Variants in TRPM4 observed in about 807,000 individuals in gnomAD.
The protein encoded by TRPM4 is calcium-activated non-selective cation channel 1.
TRPM4 carries 124 observed loss-of-function variants against 135.6 expected under a neutral mutation model. The observed-to-expected ratio is 0.91, with a 90% CI of 0.79 to 1.06. The LOEUF is 1.06. Ranked by LOEUF, TRPM4 falls within the 50% of genes least tolerant of loss-of-function variation. The probability of loss-of-function intolerance (pLI) is 0.00; values close to 1 mark genes in which losing one functional copy is unlikely to be tolerated. For synonymous variants in TRPM4, 745 were observed against 705.6 expected (o/e 1.06, Z -0.88); for missense variants, 1,658 against 1,671.4 (o/e 0.99, Z 0.14).
At position 49,196,683 on chromosome 19, in the gene TRPM4, T is replaced by A; in HGVS notation, c.2454T>A (p.Tyr818Ter). 1 of 1,550,560 alleles carries A rather than the reference T, an allele frequency of 6.4e-7. No individual in the cohort carries two copies. Among genetic ancestry groups the A allele is most frequent in the Middle Eastern group, 1.7e-4 (1 of 6,000 alleles). Reference protein sequence around the residue: ...APPGSLELLLYFWAFTLLCEE... With the variant: ...APPGSLELLL ...CCGGCTCCCTGGAGCTGCTGCTCTA[T>A]TTCTGGGCTTTCACGCTGCTGTGCG... is the stretch of plus-strand genomic sequence containing the variant. The change falls in exon 17 of 25, where the codon TAT becomes TAA. Residue 818 changes from tyrosine to a stop codon, truncating the protein, a stop_gained. Coordinates refer to ENST00000252826, the MANE Select transcript of TRPM4 (RefSeq NM_017636.4). LOFTEE classifies it high-confidence loss of function.
rs371581808 is a variant in TRPM4 at position 49,167,010 on chromosome 19, G to T, written c.267+795G>T. Among the ~76,000 whole-genome samples, 54 of 150,280 alleles carry T rather than the reference G, an allele frequency of 3.6e-4. No individual in the cohort carries two copies. The South Asian group carries it at 0.011, about 30-fold the overall frequency. ...TCTGGGTCTCTGTCCCTGTTTCTCC[G>T]GGTCTCTGTCCCCGTCTCTCCGGGT... On this transcript the variant is annotated intron_variant, in intron 3 of 24. Coordinates refer to ENST00000252826, the MANE Select transcript of TRPM4 (RefSeq NM_017636.4).
chr19:49,171,912 T>C lies in TRPM4; in HGVS notation c.1051-97T>C, dbSNP rs1967476181. 2 of 1,369,716 alleles carry C rather than the reference T, an allele frequency of 1.5e-6. No individual in the cohort carries two copies. Among genetic ancestry groups the C allele is most frequent in the African/African-American group, 1.4e-5 (1 of 69,832 alleles). The allele number at this position is 1,369,716 out of a possible 1,614,324, so 84.8% of individuals were successfully genotyped here. On this transcript the variant is annotated intron_variant, in intron 8 of 24. Coordinates refer to ENST00000252826, the MANE Select transcript of TRPM4 (RefSeq NM_017636.4). This position sits in a 1 kb window ranked among gnomAD's most constrained non-coding sequence, Gnocchi z 4.7. ...GGTGCTGGGCATATAGACTATTAGG[T>C]CCTGGAGGGGAATGGCCTCCTCCAT...
intron 20 of TRPM4, among the ~76,000 whole-genome samples, chr19:49,205,308 C>T (rs139515343): frequency 1.2e-4 from 18 of 152,146 alleles, no homozygotes; most frequent in Non-Finnish European, 2.4e-4. Flanking sequence ...CTTTGCTGGC[C>T]ATCTTTGGCT....
chr19:49,161,938 T>G (rs982487188), intron 2 of TRPM4, among the ~76,000 whole-genome samples: 2 of 152,160 alleles, frequency 1.3e-5, no homozygotes, highest in African/African-American at 4.8e-5. Context: ...CCCTGGCTAC[T>G]TCTTTCTGTT....
At chr19:49,179,495 G>A (rs1331798718) in intron 9 of TRPM4, among the ~76,000 whole-genome samples, 2 of 151,778 alleles carry the variant, frequency 1.3e-5, no homozygotes, top group Non-Finnish European at 2.9e-5. Flanking sequence ...GACTACAGAC[G>A]CATGCCACCA....
chr19:49,204,270 A>G (rs868668969), intron 20 of TRPM4, among the ~76,000 whole-genome samples: 108 of 152,258 alleles, frequency 7.1e-4, no homozygotes, highest in African/African-American at 2.4e-3. Context: ...TTGGGTGTGT[A>G]TCTCAAAGTG....
At chr19:49,185,411 T>TC (rs1473701654) in intron 12 of TRPM4, among the ~76,000 whole-genome samples, 1 of 152,110 alleles carries the variant, frequency 6.6e-6, no homozygotes, top group Non-Finnish European at 1.5e-5. Context: ...CAAGCTAATT[T>TC]TAAAAAATTT....
Position 49,168,668 on chromosome 19 carries a change from TG to T in TRPM4, c.734del (p.Gly245AlafsTer33). ...FLVDDGTHGCLGGENRFRLRL... is the reference protein window; with the variant it reads ...FLVDDGTHGCXGGENRFRLRL... ...GTGGACGACGGCACACACGGCTGCC[TG>T]GGGGGCGAGAACCGCTTCCGCTTGC... is the stretch of plus-strand genomic sequence containing the variant. On this transcript the variant is annotated frameshift_variant, in exon 6 of 25. Coordinates refer to ENST00000252826, the MANE Select transcript of TRPM4 (RefSeq NM_017636.4). LOFTEE classifies it high-confidence loss of function. The T allele has an allele frequency of 6.2e-7, 1 of 1,612,762 alleles. No homozygotes were observed. The highest frequency in any genetic ancestry group is 8.5e-7 in the Non-Finnish European group (1 of 1,179,792).
intron 3 of TRPM4, among the ~76,000 whole-genome samples, chr19:49,166,643 C>T (rs982558438): frequency 1.9e-4 from 28 of 144,070 alleles, no homozygotes; most frequent in African/African-American, 6.7e-4. Context: ...TCTCTGTCCC[C>T]GTCTCTCCGG....
chr19:49,197,346 T>C (rs1365785201), intron 17 of TRPM4, among the ~76,000 whole-genome samples: 1,517 of 125,808 alleles, frequency 0.012, 32 homozygotes, highest in African/African-American at 0.042. Flanking sequence ...CTTTCTTTCT[T>C]TCTTTCTTTC....
At chr19:49,158,298 CG>C (rs2041557199) in intron 2 of TRPM4, 39 bp downstream of exon 2, 1 of 1,595,902 alleles carries the variant, frequency 6.3e-7, no homozygotes. Context: ...AGAGGGTCCG[CG>C]GCCCGCTGAC....
chr19:49,158,185 T>A lies in TRPM4; in HGVS notation c.25-7T>A, dbSNP rs1418780795. ...ACTTCCACCCCTACATTTGTTCCTG[T>A]CCCCAGAGCTGGATCCCCAAGATCT... On this transcript the variant is annotated splice_region_variant and splice_polypyrimidine_tract_variant and intron_variant, in intron 1 of 24. Transcript: ENST00000252826. 6.2e-7 allele frequency: 1 copy of A among 1,613,524 alleles called. No individual in the cohort carries two copies. Among genetic ancestry groups the A allele is most frequent in the African/African-American group, 1.3e-5 (1 of 74,806 alleles).
rs1041148511 is a variant in TRPM4, at chr19:49,191,214, C to CT, written c.2210+450dup. Among the ~76,000 whole-genome samples the CT allele has an allele frequency of 3.0e-3, 450 of 151,406 alleles. 1 individual carries two copies. The highest frequency in any genetic ancestry group is 0.01 in the African/African-American group (419 of 41,304). On this transcript the variant is annotated intron_variant, in intron 16 of 24. Transcript: ENST00000252826. ...GATTACATTTCTTTGTTCTTTTTTT[C>CT]TTTTTTTTTGATACGGAGTCTCCCT... is the stretch of plus-strand genomic sequence containing the variant.
intron 20 of TRPM4, among the ~76,000 whole-genome samples, chr19:49,204,811 G>A (rs1369669479): frequency 6.7e-6 from 1 of 149,902 alleles, no homozygotes; most frequent in East Asian, 2.0e-4. Context: ...CACCCATCTC[G>A]GCTGGATCCC....
chr19:49,168,232 C>T (rs1003958412), intron 4 of TRPM4, 28 bp from the exon 5 acceptor site: 8 of 1,613,872 alleles, frequency 5.0e-6, no homozygotes, highest in Non-Finnish European at 6.8e-6. Flanking sequence ...CTCCCCCTGC[C>T]TCTGCATGTT....
At chr19:49,175,828 C>T (rs537220676) in intron 9 of TRPM4, among the ~76,000 whole-genome samples, 2 of 149,886 alleles carry the variant, frequency 1.3e-5, no homozygotes, top group Non-Finnish European at 3.0e-5. Context: ...GGAGTTTCAC[C>T]GTGTTAGCCA....
chr19:49,192,692 G>A (rs1385672635), intron 16 of TRPM4, among the ~76,000 whole-genome samples: 2 of 152,066 alleles, frequency 1.3e-5, no homozygotes, highest in Non-Finnish European at 2.9e-5. Flanking sequence ...AGAGGGTAGG[G>A]CGAGGGAGAG....
intron 19 of TRPM4, among the ~76,000 whole-genome samples, chr19:49,201,751 C>G (rs2145972236): frequency 6.6e-6 from 1 of 152,312 alleles, no homozygotes; most frequent in South Asian, 2.1e-4. Context: ...GCGCGTGCCA[C>G]CACGCCTGGC....
At chr19:49,198,185 A>C (rs1318733812) in intron 17 of TRPM4, among the ~76,000 whole-genome samples, 1 of 152,188 alleles carries the variant, frequency 6.6e-6, no homozygotes, top group Non-Finnish European at 1.5e-5. Context: ...AGAGTTTTGC[A>C]GAACACTAAT....
Sources: gnomAD v4.1 joint callset for allele counts (sites outside exome capture counted in the v4.1 genomes callset) on GRCh38, gnomAD v4.1.1 for gene constraint, Gnocchi (gnomAD v3.1) non-coding constraint, MANE v1.5 for transcripts, NCBI Gene and HGNC (gene_info 2026-07-23, HGNC 2026-07-21) for gene names.